Variants in RBFOX1 observed in about 807,000 individuals in gnomAD.
RBFOX1 encodes the protein RNA binding fox-1 homolog 1.
Under a neutral mutation model 57.7 loss-of-function variants are expected in RBFOX1, and 8 were observed. The observed-to-expected ratio is 0.14, with a 90% CI of 0.08 to 0.25. RBFOX1 has a LOEUF of 0.25. Among genes scored for constraint, RBFOX1 ranks in the 10% least tolerant of loss-of-function variants. The pLI is 1.00. For synonymous variants in RBFOX1, 326 were observed against 222.4 expected (o/e 1.47, Z -4.15); for missense variants, 611 against 548.5 (o/e 1.11, Z -1.14).
chr16:6,433,348 C>G (rs1369716823), intron 2 of RBFOX1, among the ~76,000 whole-genome samples: 1 of 152,248 alleles, frequency 6.6e-6, no homozygotes, highest in Non-Finnish European at 1.5e-5. Flanking sequence ...GCCACTATTT[C>G]AGTTATCACT....
chr16:6,970,338 T>A (rs184027096), intron 3 of RBFOX1, among the ~76,000 whole-genome samples: 1 of 152,336 alleles, frequency 6.6e-6, no homozygotes, highest in Non-Finnish European at 1.5e-5. Flanking sequence ...AGTATAGTGG[T>A]TTGACACTTA....
At chr16:5,652,883 C>T (rs2049285815) in intron 3 of RBFOX1, among the ~76,000 whole-genome samples, 1 of 152,224 alleles carries the variant, frequency 6.6e-6, no homozygotes, top group Admixed American at 6.5e-5. Flanking sequence ...CTGTAGGTAG[C>T]ATGATGTGTA....
chr16:7,132,594 A>G (rs899663098), intron 4 of RBFOX1, among the ~76,000 whole-genome samples: 4 of 149,628 alleles, frequency 2.7e-5, no homozygotes, highest in Non-Finnish European at 5.9e-5. Flanking sequence ...GAAGTAAACT[A>G]TTTGTAAAGC....
At chr16:6,978,631 G>T (rs1243250698) in intron 3 of RBFOX1, among the ~76,000 whole-genome samples, 2 of 152,102 alleles carry the variant, frequency 1.3e-5, no homozygotes, top group African/African-American at 4.8e-5. Context: ...TCTTGTAATC[G>T]TTTTAATGTC....
In RBFOX1 at chr16:7,615,930, C is replaced by G. The variant is rs1431922707; in HGVS notation, c.676+8592C>G. On this transcript the variant is annotated intron_variant, in intron 10 of 15. Transcript: ENST00000550418. ...ATATTCACGGAATACCTTAACAACT[C>G]TCATGCCCCACTGGTTGCTACCACT... Among the ~76,000 whole-genome samples, 4 of 152,334 alleles carry G rather than the reference C, an allele frequency of 2.6e-5. No homozygotes were observed. In the East Asian group the frequency reaches 7.7e-4, roughly 29 times the overall value.
At chr16:5,943,859 A>G (rs925358617) in intron 4 of RBFOX1, among the ~76,000 whole-genome samples, 15 of 151,232 alleles carry the variant, frequency 9.9e-5, no homozygotes, top group Non-Finnish European at 1.9e-4. Flanking sequence ...CTATTCATCC[A>G]CTCATCCATT....
intron 1 of RBFOX1, among the ~76,000 whole-genome samples, chr16:6,073,628 G>A (rs1204936835): frequency 1.3e-5 from 2 of 152,142 alleles, no homozygotes; most frequent in Admixed American, 6.5e-5. Context: ...GCACAAACAT[G>A]TTAAAGGCTA....
At chr16:6,982,712 G>A (rs892464756) in intron 3 of RBFOX1, among the ~76,000 whole-genome samples, 1 of 152,128 alleles carries the variant, frequency 6.6e-6, no homozygotes, top group South Asian at 2.1e-4. Flanking sequence ...TGTGGAACTG[G>A]CCAGGTGCAG....
At chr16:5,660,987 C>T (rs1298291322) in intron 3 of RBFOX1, among the ~76,000 whole-genome samples, 2 of 152,090 alleles carry the variant, frequency 1.3e-5, no homozygotes, top group African/African-American at 2.4e-5. Flanking sequence ...GAGGTAGCGC[C>T]ATGTTAAATG....
intron 1 of RBFOX1, among the ~76,000 whole-genome samples, chr16:5,347,603 C>A (rs2065168967): frequency 6.6e-6 from 1 of 150,766 alleles, no homozygotes; most frequent in Non-Finnish European, 1.5e-5. Flanking sequence ...CATCCACCCA[C>A]CCATGCTCCC....
At chr16:5,620,344 CATTGTTGCCTCT>C (rs1171922915) in intron 3 of RBFOX1, among the ~76,000 whole-genome samples, 2 of 152,166 alleles carry the variant, frequency 1.3e-5, no homozygotes, top group African/African-American at 4.8e-5. Context: ...AGAGACATCA[CATTGTTGCCTCT>C]ATACAGCATA....
intron 4 of RBFOX1, among the ~76,000 whole-genome samples, chr16:7,383,251 A>G (rs992845095): frequency 3.3e-5 from 5 of 150,848 alleles, no homozygotes; most frequent in African/African-American, 1.2e-4. Context: ...CACACCTACT[A>G]CGTACCCATA....
At chr16:5,596,341 C>T (rs1360620886) in intron 2 of RBFOX1, among the ~76,000 whole-genome samples, 1 of 152,154 alleles carries the variant, frequency 6.6e-6, no homozygotes, top group South Asian at 2.1e-4. Context: ...TGACTCAAAC[C>T]TAATTTTACC....
chr16:7,357,686 A>G (rs1361809789), intron 4 of RBFOX1, among the ~76,000 whole-genome samples: 3 of 152,124 alleles, frequency 2.0e-5, no homozygotes, highest in African/African-American at 4.8e-5. Flanking sequence ...CTCGGTTGCA[A>G]TGTCAGTTTT....
chr16:7,350,866 T>G (rs552675410), intron 4 of RBFOX1, among the ~76,000 whole-genome samples: 1 of 152,294 alleles, frequency 6.6e-6, no homozygotes, highest in African/African-American at 2.4e-5. Flanking sequence ...TTTGTGTGGC[T>G]TCAGGGGACT....
chr16:5,250,091 T>C (rs1316836396), intron 1 of RBFOX1, among the ~76,000 whole-genome samples: 1 of 151,056 alleles, frequency 6.6e-6, no homozygotes, highest in Admixed American at 6.6e-5. Context: ...ATTGTGTCCC[T>C]GGACTCCAGC....
chr16:7,489,852 T>C (rs767883369), intron 4 of RBFOX1, among the ~76,000 whole-genome samples: 2 of 152,042 alleles, frequency 1.3e-5, no homozygotes, highest in Non-Finnish European at 2.9e-5. Context: ...ATCCACACTT[T>C]CGCACACCAA....
In RBFOX1 at chr16:6,923,307, G is replaced by A. The variant is rs779101641; in HGVS notation, c.-15-128750G>A. The stretch of plus-strand genomic sequence containing the variant: ...CCAGAACTTTGGGATGCCAAGGCGG[G>A]AGGATCATGTGAGGTCAGGAGTTCA... On this transcript the variant is annotated intron_variant, in intron 3 of 15. Transcript: ENST00000550418. Among the ~76,000 whole-genome samples the A allele has an allele frequency of 1.2e-3, 186 of 152,282 alleles. 4 individuals are homozygous for A. The highest frequency in any genetic ancestry group is 2.3e-3 in the Admixed American group (35 of 15,294).
intron 4 of RBFOX1, among the ~76,000 whole-genome samples, chr16:7,325,864 G>T (rs946325210): frequency 1.3e-5 from 2 of 152,100 alleles, no homozygotes; most frequent in African/African-American, 4.8e-5. Flanking sequence ...TTTTTCTTGC[G>T]GTCCATGCTA....
Sources: allele counts gnomAD v4.1 joint callset (sites outside exome capture counted in the v4.1 genomes callset), GRCh38; gene constraint gnomAD v4.1.1; transcripts MANE v1.5; gene names NCBI Gene and HGNC (gene_info 2026-07-23, HGNC 2026-07-21).